SNTG1: variants seen among roughly 807,000 people sequenced by gnomAD.
SNTG1 encodes syntrophin gamma 1.
SNTG1 carries 39 observed loss-of-function variants against 74.7 expected under a neutral mutation model. The observed-to-expected ratio is 0.52, with a 90% CI of 0.40 to 0.68. The LOEUF (loss-of-function observed/expected upper bound fraction) is 0.68, where lower values mean the gene tolerates loss of function less well. Ranked by LOEUF, SNTG1 falls within the 30% of genes least tolerant of loss-of-function variation. The probability of loss-of-function intolerance (pLI) is 0.00; values close to 1 mark genes in which losing one functional copy is unlikely to be tolerated. For synonymous variants in SNTG1, 254 were observed against 217.1 expected, an observed-to-expected ratio of 1.17 and a Z score of -1.49; for missense variants, 685 against 609.5, an observed-to-expected ratio of 1.12 and a Z score of -1.30.
chr8:50,464,539 C>A (rs890870038), intron 8 of SNTG1, among the ~76,000 whole-genome samples: 1 of 152,092 alleles, frequency 6.6e-6, no homozygotes, highest in African/African-American at 2.4e-5. Flanking sequence ...TCAGAACACA[C>A]ACATTTATCA....
intron 15 of SNTG1, among the ~76,000 whole-genome samples, chr8:50,688,230 T>C (rs1401498986): frequency 1.3e-5 from 2 of 152,206 alleles, no homozygotes; most frequent in South Asian, 2.1e-4. Flanking sequence ...GATGGTAGTT[T>C]CTTTTGCTGT....
chr8:50,251,258 A>G (rs2086634579), intron 2 of SNTG1, among the ~76,000 whole-genome samples: 1 of 152,040 alleles, frequency 6.6e-6, no homozygotes, highest in Admixed American at 6.5e-5. Context: ...AAGAAACAAA[A>G]TTTAGCATTA....
chr8:50,689,489 G>C (rs1014614701), intron 15 of SNTG1, among the ~76,000 whole-genome samples: 4 of 152,078 alleles, frequency 2.6e-5, no homozygotes, highest in African/African-American at 9.7e-5. Flanking sequence ...GGCCTTTTCT[G>C]CATCTATTGA....
intron 8 of SNTG1, among the ~76,000 whole-genome samples, chr8:50,455,169 A>G (rs1192160189): frequency 1.3e-5 from 2 of 152,210 alleles, no homozygotes; most frequent in African/African-American, 4.8e-5. Context: ...AGTAAAAAGC[A>G]TCCTGGTTCT....
intron 12 of SNTG1, among the ~76,000 whole-genome samples, chr8:50,586,708 C>T (rs1303751738): frequency 6.6e-6 from 1 of 151,668 alleles, no homozygotes; most frequent in African/African-American, 2.4e-5. Context: ...CCTTATAAGC[C>T]TTTAAAATGT....
At chr8:50,634,299 G>A (rs1489108566) in intron 13 of SNTG1, among the ~76,000 whole-genome samples, 1 of 152,154 alleles carries the variant, frequency 6.6e-6, no homozygotes, top group East Asian at 1.9e-4. Flanking sequence ...CTTTTCTGTG[G>A]GGCGGCTAAC....
At chr8:50,735,663 T>C (rs1314328744) in intron 17 of SNTG1, among the ~76,000 whole-genome samples, 4 of 151,674 alleles carry the variant, frequency 2.6e-5, no homozygotes, top group African/African-American at 9.7e-5. Context: ...TACCAGAAAG[T>C]GATGGAGAGA....
intron 8 of SNTG1, among the ~76,000 whole-genome samples, chr8:50,485,968 A>G (rs1391443382): frequency 1.3e-5 from 2 of 151,168 alleles, no homozygotes; most frequent in African/African-American, 4.8e-5. Flanking sequence ...TTTGTCAAAG[A>G]TCAGATAGTT....
chr8:50,582,526 G>A lies in SNTG1; in HGVS notation c.811-8353G>A, dbSNP rs137917532. On this transcript the variant is annotated intron_variant, in intron 12 of 18. Transcript: ENST00000642720. ...AATTAAGCACAATGTCACATTTTTA[G>A]TGTGTATGGGTGTGTGGGTGTGTGT... Among the ~76,000 whole-genome samples, 6 of 152,188 alleles carry A rather than the reference G, an allele frequency of 3.9e-5. No homozygotes were observed. In the East Asian group the frequency reaches 1.2e-3, roughly 29 times the overall value.
chr8:49,917,636 C>T (rs77261238), intron 1 of SNTG1, among the ~76,000 whole-genome samples: 1 of 152,208 alleles, frequency 6.6e-6, no homozygotes, highest in African/African-American at 2.4e-5. Context: ...TCTCTCATTT[C>T]TCCAGATAAA....
chr8:50,753,280 C>T (rs759672860), intron 18 of SNTG1, among the ~76,000 whole-genome samples: 4 of 151,970 alleles, frequency 2.6e-5, no homozygotes, highest in Non-Finnish European at 5.9e-5. Context: ...TTTGTGCCAA[C>T]CACTTATTTT....
At chr8:50,282,273 C>A (rs937672642) in intron 2 of SNTG1, among the ~76,000 whole-genome samples, 23 of 152,304 alleles carry the variant, frequency 1.5e-4, no homozygotes, top group African/African-American at 5.5e-4. Context: ...TAAGCTCTCT[C>A]ACCCTAAAAC....
chr8:49,951,286 A>G (rs1289313341), intron 1 of SNTG1, among the ~76,000 whole-genome samples: 1 of 152,250 alleles, frequency 6.6e-6, no homozygotes, highest in Non-Finnish European at 1.5e-5. Flanking sequence ...GAAAAATAAA[A>G]GTAAAAATAA....
intron 1 of SNTG1, among the ~76,000 whole-genome samples, chr8:50,171,064 C>T (rs1361207519): frequency 2.6e-5 from 4 of 152,098 alleles, no homozygotes; most frequent in Non-Finnish European, 5.9e-5. Context: ...AATCCTTCCA[C>T]CTTTGTCATC....
intron 12 of SNTG1, among the ~76,000 whole-genome samples, chr8:50,570,555 G>A (rs1263602450): frequency 7.1e-6 from 1 of 140,514 alleles, no homozygotes. Context: ...ACCACGTCCA[G>A]CCTTATTTTT....
At chr8:50,605,711 G>A (rs189561656) in intron 13 of SNTG1, among the ~76,000 whole-genome samples, 1 of 152,178 alleles carries the variant, frequency 6.6e-6, no homozygotes, top group African/African-American at 2.4e-5. Context: ...TACTGTTATT[G>A]TTCACCTGAT....
intron 18 of SNTG1, among the ~76,000 whole-genome samples, chr8:50,774,045 A>G (rs181019318): frequency 1.5e-4 from 23 of 152,176 alleles, no homozygotes; most frequent in Admixed American, 9.8e-4. Flanking sequence ...CAATATCTCA[A>G]TGTCAATAGG....
chr8:50,725,641 C>G (rs951107107), intron 17 of SNTG1, among the ~76,000 whole-genome samples: 1 of 152,128 alleles, frequency 6.6e-6, no homozygotes, highest in Non-Finnish European at 1.5e-5. Context: ...GAAAGATTGC[C>G]TGATGCCAGA....
At chr8:50,499,458 G>A (rs1019726459) in intron 8 of SNTG1, among the ~76,000 whole-genome samples, 2 of 142,900 alleles carry the variant, frequency 1.4e-5, no homozygotes, top group African/African-American at 5.2e-5. Context: ...TGCACTTTTT[G>A]TAAGCCATCA....
Sources: allele counts gnomAD v4.1 joint callset (sites outside exome capture counted in the v4.1 genomes callset), GRCh38; gene constraint gnomAD v4.1.1; transcripts MANE v1.5; gene names NCBI Gene and HGNC (gene_info 2026-07-23, HGNC 2026-07-21).